Variants in DMBT1 observed in about 807,000 individuals in gnomAD.
DMBT1 encodes scavenger receptor cysteine-rich domain-containing protein DMBT1.
DMBT1 carries 198 observed loss-of-function variants against 252.9 expected under a neutral mutation model. That is an observed-to-expected ratio of 0.78 (90% CI 0.70 to 0.88). The LOEUF (loss-of-function observed/expected upper bound fraction) is 0.88, where lower values mean the gene tolerates loss of function less well. DMBT1 is among the 40% of genes least tolerant of loss of function. The probability of loss-of-function intolerance (pLI) is 0.00; values close to 1 mark genes in which losing one functional copy is unlikely to be tolerated. For synonymous variants in DMBT1, 990 were observed against 942.7 expected (o/e 1.05, Z -0.92); for missense variants, 2,432 against 2,404.7 (o/e 1.01, Z -0.24).
At chr10:122,638,035 A>G (rs1423787735) in intron 54 of DMBT1, among the ~76,000 whole-genome samples, 3 of 152,200 alleles carry the variant, frequency 2.0e-5, no homozygotes, top group Non-Finnish European at 4.4e-5. Context: ...TGCAGATTTT[A>G]GCATAGAAAG....
Position 122,600,018 on chromosome 10 carries a change from T to C in DMBT1, c.3281-46T>C, listed in dbSNP as rs375025048. On this transcript the variant is annotated intron_variant, in intron 26 of 55. Transcript: ENST00000338354. ...TCCCTCCTCGTTCCACTTTGCCGACTTCTGTGTAATGTTCCTGATCTGACC... is the reference window on the plus strand; with the variant it reads ...TCCCTCCTCGTTCCACTTTGCCGACCTCTGTGTAATGTTCCTGATCTGACC... 2.9e-5 allele frequency: 46 copies of C among 1,605,934 alleles called. 1 individual carries two copies. Among genetic ancestry groups the C allele is most frequent in the Non-Finnish European group, 3.5e-5 (41 of 1,176,524 alleles).
At chr10:122,598,228 C>G (rs773909134) in intron 25 of DMBT1, among the ~76,000 whole-genome samples, 20 of 152,026 alleles carry the variant, frequency 1.3e-4, no homozygotes, top group Admixed American at 6.5e-5. Flanking sequence ...GAATCCTGTT[C>G]CAAGTGGTCA....
In DMBT1 at chr10:122,576,615, A is replaced by G. The variant is rs762134732; in HGVS notation, c.500A>G (p.Asp167Gly). The G allele has an allele frequency of 1.9e-6, 3 of 1,613,814 alleles. No individual in the cohort carries two copies. The East Asian group carries it at 6.7e-5, about 36-fold the overall frequency. ...CAGGGCTCAGGACCCATTGCCCTGG[A>G]TGATGTGCGCTGCTCAGGACACGAA... ...FGQGSGPIAL[D>G]DVRCSGHESY... is the part of the protein sequence containing the mutation. Residue 167 changes from aspartate to glycine, a missense_variant, in exon 7 of 56, where the codon GAT becomes GGT. Around this residue, in one of 3 missense-constraint regions of DMBT1, gnomAD observed 1,264 missense variants for 1,082.2 expected, o/e 1.17. Transcript: ENST00000338354.
intron 46 of DMBT1, among the ~76,000 whole-genome samples, chr10:122,626,300 T>C (rs1347785194): frequency 6.6e-6 from 1 of 152,242 alleles, no homozygotes; most frequent in Non-Finnish European, 1.5e-5. Flanking sequence ...TTTCATTGCT[T>C]TTAAAAAATA....
chr10:122,598,096 A>C (rs1158355375), intron 25 of DMBT1, 84 bp downstream of exon 25: 11 of 1,591,038 alleles, frequency 6.9e-6, no homozygotes, highest in Admixed American at 3.4e-5. Context: ...GATGAGGGTC[A>C]AGGTGGGCCC....
chr10:122,576,337 C>T, intron 6 of DMBT1, 62 bp from the exon 7 acceptor site: 1 of 1,585,830 alleles, frequency 6.3e-7, no homozygotes, highest in Non-Finnish European at 8.6e-7. Flanking sequence ...GAATGCCCTG[C>T]AGGCCCTGAG....
intron 14 of DMBT1, among the ~76,000 whole-genome samples, chr10:122,584,684 G>A (rs1384672854): frequency 1.3e-5 from 2 of 149,066 alleles, no homozygotes; most frequent in African/African-American, 4.9e-5. Context: ...AGAATTGAGA[G>A]TGATTGCCAA....
At position 122,598,146 on chromosome 10, in the gene DMBT1, G is replaced by C. The variant is rs1171883769; in HGVS notation, c.2956+134G>C. 2.9e-6 allele frequency: 4 copies of C among 1,366,404 alleles called. No homozygotes were observed. The African/African-American group carries it at 5.8e-5, about 20-fold the overall frequency. 84.6% of individuals were successfully genotyped at this position (1,366,404 alleles called of 1,614,324 possible). On this transcript the variant is annotated intron_variant, in intron 25 of 55. Transcript: ENST00000338354. ...TCCCTGTGGGTTGCATGGGAGGAAGGTAGCGTCTCTGGGGACCCAGCTCTG... is the reference window on the plus strand; with the variant it reads ...TCCCTGTGGGTTGCATGGGAGGAAGCTAGCGTCTCTGGGGACCCAGCTCTG...
At chr10:122,580,062 G>A (rs2097754387) in intron 10 of DMBT1, among the ~76,000 whole-genome samples, 161 bp downstream of exon 10, 1 of 152,206 alleles carries the variant, frequency 6.6e-6, no homozygotes, top group Non-Finnish European at 1.5e-5. Flanking sequence ...TCACTGCCTA[G>A]TGTTCCTGTG....
At chr10:122,598,052 AC>A in intron 25 of DMBT1, 40 bp downstream of exon 25, 1 of 1,612,406 alleles carries the variant, frequency 6.2e-7, no homozygotes, top group Admixed American at 1.7e-5. Flanking sequence ...CTCACTCTCT[AC>A]CTCTGGACAA....
chr10:122,572,861 A>G (rs1398308858), intron 5 of DMBT1, among the ~76,000 whole-genome samples: 1 of 152,198 alleles, frequency 6.6e-6, no homozygotes, highest in South Asian at 2.1e-4. Context: ...ATAAATGTAT[A>G]TCAACATCAA....
chr10:122,568,063 G>A (rs1351439157), intron 2 of DMBT1, among the ~76,000 whole-genome samples: 2 of 152,180 alleles, frequency 1.3e-5, no homozygotes, highest in Admixed American at 6.5e-5. Flanking sequence ...CTGGGAGGAG[G>A]CCAGGTTCAA....
chr10:122,617,164 C>A, intron 39 of DMBT1, 64 bp from the exon 40 acceptor site: 2 of 1,541,324 alleles, frequency 1.3e-6, no homozygotes, highest in African/African-American at 1.4e-5. Context: ...CCCAGAGAAC[C>A]TTTTGTTCTG....
chr10:122,592,946 A>AG (rs1352980267), intron 20 of DMBT1, among the ~76,000 whole-genome samples: 1 of 148,714 alleles, frequency 6.7e-6, no homozygotes, highest in African/African-American at 2.4e-5. Context: ...ACAGCAAGGT[A>AG]GGGGAGGAAT....
chr10:122,574,188 A>G (rs2097691571), intron 6 of DMBT1, among the ~76,000 whole-genome samples: 1 of 152,166 alleles, frequency 6.6e-6, no homozygotes, highest in Non-Finnish European at 1.5e-5. Flanking sequence ...CTTTAAGCCT[A>G]TATTATGCCA....
Position 122,625,918 on chromosome 10 carries a change from C to A in DMBT1, c.5636-15C>A. On this transcript the variant is annotated splice_polypyrimidine_tract_variant and intron_variant, in intron 45 of 55. Transcript: ENST00000338354. ...TATCTACTAAAATCCTAAACAGCTTCATTTTTTTTTCTAGATTGGTGGCAT... is the reference window on the plus strand; with the variant it reads ...TATCTACTAAAATCCTAAACAGCTTAATTTTTTTTTCTAGATTGGTGGCAT... The A allele has an allele frequency of 6.2e-7, 1 of 1,603,288 alleles. No individual in the cohort carries two copies.
In DMBT1 at chr10:122,618,112, T is replaced by G. The variant is rs2098016664; in HGVS notation, c.4987T>G (p.Cys1663Gly). The G allele has an allele frequency of 5.6e-6, 9 of 1,613,934 alleles. No individual in the cohort carries two copies. The highest frequency in any genetic ancestry group is 7.6e-6 in the Non-Finnish European group (9 of 1,179,878). The change falls in exon 41 of 56, where the codon TGT (cysteine) becomes GGT (glycine). Residue 1663 changes from cysteine (C) to glycine (G), a missense_variant. Coordinates refer to ENST00000338354, the MANE Select transcript of DMBT1 (RefSeq NM_001377530.1). ...VLYQGSWGTV[C>G]DDYWDTNDAN... Reference sequence around the variant, plus strand: ...ATACCAAGGCTCCTGGGGCACCGTGTGTGATGACTACTGGGACACCAATGA... The same window carrying G: ...ATACCAAGGCTCCTGGGGCACCGTGGGTGATGACTACTGGGACACCAATGA...
chr10:122,617,966 T>C, intron 40 of DMBT1, 51 bp from the exon 41 acceptor site: 1 of 1,606,572 alleles, frequency 6.2e-7, no homozygotes, highest in Non-Finnish European at 8.5e-7. Flanking sequence ...TTGCCTTAGA[T>C]TGTTGACCTC....
rs576895921 is a variant in DMBT1 at position 122,593,533 on chromosome 10, T to C, written c.2501-36T>C. The C allele has an allele frequency of 1.7e-5, 27 of 1,584,900 alleles. 1 individual carries two copies. The highest frequency in any genetic ancestry group is 1.7e-4 in the Middle Eastern group (1 of 6,000). ...TCCAGTTTTGCCGACTTCTGTGTAA[T>C]GTTCCTGATCTGACCTTCTCTTCTC... On this transcript the variant is annotated intron_variant, in intron 20 of 55. Transcript: ENST00000338354.
Sources: allele counts gnomAD v4.1 joint callset (sites outside exome capture counted in the v4.1 genomes callset), GRCh38; gene constraint gnomAD v4.1.1; regional missense constraint gnomAD v4.1.1; transcripts MANE v1.5; gene names NCBI Gene and HGNC (gene_info 2026-07-23, HGNC 2026-07-21).